The following TMEM260 variants were observed in gnomAD, a reference collection of about 807,000 sequenced individuals.
TMEM260 encodes the protein transmembrane protein 260, also known as protein O-mannosyl-transferase TMEM260.
Under a neutral mutation model 88.9 loss-of-function variants are expected in TMEM260, and 82 were observed. The ratio of observed to expected loss-of-function variants is 0.92; its 90% CI spans 0.77 to 1.11. TMEM260 has a LOEUF of 1.11. Ranked by LOEUF, TMEM260 falls within the 50% of genes least tolerant of loss-of-function variation. TMEM260 has a pLI of 0.00. For missense variants in TMEM260, 902 were observed against 853.4 expected (o/e 1.06, Z -0.71); for synonymous variants, 314 against 309.3 (o/e 1.02, Z -0.16).
At chr14:56,607,157 C>T (rs369770543) in intron 5 of TMEM260, among the ~76,000 whole-genome samples, 3 of 152,062 alleles carry the variant, frequency 2.0e-5, no homozygotes, top group Non-Finnish European at 2.9e-5. Context: ...CTATGGAATA[C>T]GAGAAAGAGG....
At chr14:56,616,372 A>G (rs1887594486) in intron 8 of TMEM260, 1 of 171,818 alleles carries the variant, frequency 5.8e-6, no homozygotes, top group African/African-American at 2.4e-5. Context: ...TCCGATGACA[A>G]AAGAAACCCT....
At chr14:56,645,289 T>C (rs1216503630) in intron 15 of TMEM260, among the ~76,000 whole-genome samples, 1 of 151,522 alleles carries the variant, frequency 6.6e-6, no homozygotes, top group South Asian at 2.1e-4. Flanking sequence ...GTGGCACATA[T>C]ACACCATGGA....
chr14:56,611,972 T>C (rs970239613), intron 6 of TMEM260, among the ~76,000 whole-genome samples: 1 of 152,104 alleles, frequency 6.6e-6, no homozygotes, highest in African/African-American at 2.4e-5. Flanking sequence ...TGGACACATA[T>C]GTACTTAAGG....
In TMEM260 at chr14:56,647,239, C is replaced by A; in HGVS notation, c.1870-4C>A. Reference sequence around the variant, plus strand: ...GGAATACCAACATTTCTGCTGTTTTCTAGCTTTATAAGGAGATTGTCTATT... The same window carrying A: ...GGAATACCAACATTTCTGCTGTTTTATAGCTTTATAAGGAGATTGTCTATT... On this transcript the variant is annotated splice_polypyrimidine_tract_variant and splice_region_variant and intron_variant, in intron 15 of 15. Coordinates refer to ENST00000261556, the MANE Select transcript of TMEM260 (RefSeq NM_017799.4). The A allele has an allele frequency of 6.3e-7, 1 of 1,593,864 alleles. No homozygotes were observed. The highest frequency in any genetic ancestry group is 1.1e-5 in the South Asian group (1 of 88,354).
chr14:56,637,097 G>A (rs1214767918), intron 15 of TMEM260, among the ~76,000 whole-genome samples: 2 of 152,216 alleles, frequency 1.3e-5, no homozygotes, highest in Admixed American at 6.5e-5. Flanking sequence ...TCTGGAGGAC[G>A]TTGGAAACAG....
At chr14:56,597,018 C>T (rs985431591) in intron 3 of TMEM260, among the ~76,000 whole-genome samples, 3 of 151,588 alleles carry the variant, frequency 2.0e-5, no homozygotes, top group South Asian at 2.1e-4. Flanking sequence ...CTATTTATTG[C>T]GTTTAATTGG....
At position 56,647,614 on chromosome 14, in the gene TMEM260, AT is replaced by A. The variant is rs1460992611; in HGVS notation, c.*118del. 8.6e-7 allele frequency: 1 copy of A among 1,160,866 alleles called. No individual in the cohort carries two copies. Among genetic ancestry groups the A allele is most frequent in the East Asian group, 2.5e-5 (1 of 39,582 alleles). The allele number at this position is 1,160,866 out of a possible 1,614,324, so 71.9% of individuals were successfully genotyped here. A position where few individuals can be genotyped will look rare whatever the true frequency, so the allele number is the denominator to read the frequency against. ...AATTTAAAACTAAGTCATCTCCCAG[AT>A]ATAAGTATCATGGTCCAGCAGTACT... is the stretch of plus-strand genomic sequence containing the variant. On this transcript the variant is annotated 3_prime_UTR_variant, in exon 16 of 16. Coordinates refer to ENST00000261556, the MANE Select transcript of TMEM260 (RefSeq NM_017799.4).
In TMEM260 at chr14:56,647,756, C is replaced by G. The variant is rs557333991; in HGVS notation, c.*259C>G. 1.1e-5 allele frequency: 5 copies of G among 437,732 alleles called. No individual in the cohort carries two copies. In the East Asian group the frequency reaches 2.2e-4, roughly 20 times the overall value. 27.1% of individuals were successfully genotyped at this position (437,732 alleles called of 1,614,324 possible). A position where few individuals can be genotyped will look rare whatever the true frequency, so the allele number is the denominator to read the frequency against. On this transcript the variant is annotated 3_prime_UTR_variant, in exon 16 of 16. Transcript: ENST00000261556. ...TTTGAAAAGTCTTCTGACTTCCAGT[C>G]TTTCACCAGATGACTGCACTGGATT...
At chr14:56,649,671 A>G (rs906781111), downstream of TMEM260, among the ~76,000 whole-genome samples, 3 of 152,042 alleles carry the variant, frequency 2.0e-5, no homozygotes, top group South Asian at 6.2e-4. Flanking sequence ...ATTTCCTATT[A>G]GTAGCCTTAA....
intron 1 of TMEM260, among the ~76,000 whole-genome samples, chr14:56,583,140 A>G (rs1488979437): frequency 2.0e-5 from 3 of 152,234 alleles, no homozygotes; most frequent in African/African-American, 7.2e-5. Context: ...GAACAAAAAA[A>G]TCGAAAATAG....
chr14:56,618,771 A>ATGGT lies in TMEM260; in HGVS notation c.1226+10_1226+13dup. Reference sequence around the variant, plus strand: ...AATATATTCTAATTACAGGTAATACATGGTTATTTTTATGAAAAGTAGCTG... The same window carrying ATGGT: ...AATATATTCTAATTACAGGTAATACATGGTTGGTTATTTTTATGAAAAGTAGCTG... On this transcript the variant is annotated intron_variant, in intron 10 of 15. Transcript: ENST00000261556. 1 of 1,611,764 alleles carries ATGGT rather than the reference A, an allele frequency of 6.2e-7. No homozygotes were observed. The highest frequency in any genetic ancestry group is 8.5e-7 in the Non-Finnish European group (1 of 1,178,566).
At chr14:56,627,899 C>T (rs776339523) in intron 12 of TMEM260, among the ~76,000 whole-genome samples, 6 of 152,164 alleles carry the variant, frequency 3.9e-5, no homozygotes, top group African/African-American at 1.4e-4. Flanking sequence ...GTGCTGCTCC[C>T]GTATAGTCAC....
Position 56,634,920 on chromosome 14 carries a change from A to C in TMEM260, c.1746A>C (p.Glu582Asp), listed in dbSNP as rs1258988948. 6.2e-7 allele frequency: 1 copy of C among 1,613,870 alleles called. No individual in the cohort carries two copies. The highest frequency in any genetic ancestry group is 8.5e-7 in the Non-Finnish European group (1 of 1,179,978). ...EYGRFDPSSW[E>D]SVANEEMWQA... is the part of the protein sequence containing the mutation. ...ACAGGTTTGATCCATCTTCTTGGGAATCTGTGGCCAATGAAGAAATGTGGC... is the reference window on the plus strand; with the variant it reads ...ACAGGTTTGATCCATCTTCTTGGGACTCTGTGGCCAATGAAGAAATGTGGC... Residue 582 changes from glutamate (E) to aspartate (D), a missense_variant, in exon 14 of 16, where the codon GAA becomes GAC. Coordinates refer to ENST00000261556, the MANE Select transcript of TMEM260 (RefSeq NM_017799.4).
chr14:56,650,774 A>G (rs1890191812), downstream of TMEM260, among the ~76,000 whole-genome samples: 1 of 152,176 alleles, frequency 6.6e-6, no homozygotes, highest in Admixed American at 6.5e-5. Flanking sequence ...TTATGTTTTA[A>G]AAGTGAAATA....
At chr14:56,583,476 T>A (rs915306641) in intron 1 of TMEM260, among the ~76,000 whole-genome samples, 4 of 152,066 alleles carry the variant, frequency 2.6e-5, no homozygotes, top group Non-Finnish European at 5.9e-5. Context: ...ATGGCTTGAA[T>A]TGATGCTTTG....
At chr14:56,599,519 T>G (rs918913026) in intron 3 of TMEM260, among the ~76,000 whole-genome samples, 2 of 152,182 alleles carry the variant, frequency 1.3e-5, no homozygotes, top group African/African-American at 4.8e-5. Context: ...TCTCAACTTC[T>G]TCATCCACTA....
chr14:56,599,605 T>A (rs1278551600), intron 3 of TMEM260, among the ~76,000 whole-genome samples: 1 of 152,226 alleles, frequency 6.6e-6, no homozygotes, highest in East Asian at 1.9e-4. Context: ...AAAAAAAATT[T>A]GTATTAGCAG....
chr14:56,625,157 T>C (rs1056808807), intron 11 of TMEM260, among the ~76,000 whole-genome samples: 5 of 152,186 alleles, frequency 3.3e-5, no homozygotes, highest in African/African-American at 9.6e-5. Context: ...GGGAGGTAAA[T>C]TGGAAGAAGG....
intron 15 of TMEM260, among the ~76,000 whole-genome samples, chr14:56,638,679 C>A (rs2139642772): frequency 6.6e-6 from 1 of 152,160 alleles, no homozygotes; most frequent in Admixed American, 6.5e-5. Context: ...AATTACCACC[C>A]CCAGTGCTAG....
Sources: gnomAD v4.1 joint callset for allele counts (sites outside exome capture counted in the v4.1 genomes callset) on GRCh38, gnomAD v4.1.1 for gene constraint, MANE v1.5 for transcripts, NCBI Gene and HGNC (gene_info 2026-07-23, HGNC 2026-07-21) for gene names.